CNBD2: variants seen among roughly 807,000 people sequenced by gnomAD.
CNBD2 encodes the protein cyclic nucleotide binding domain containing 2.
Under a neutral mutation model 63.7 loss-of-function variants are expected in CNBD2, and 64 were observed. The ratio of observed to expected loss-of-function variants is 1.00; its 90% confidence interval spans 0.82 to 1.24. CNBD2 has a LOEUF of 1.24. Among genes scored for constraint, CNBD2 ranks in the 50% most tolerant of loss-of-function variants. CNBD2 has a pLI of 0.00. For synonymous variants in CNBD2, 229 were observed against 255.4 expected, an observed-to-expected ratio of 0.90 and a Z score of 0.99; for missense variants, 691 against 713.5, an observed-to-expected ratio of 0.97 and a Z score of 0.36.
At chr20:36,002,161 A>G (rs550421556) in intron 8 of CNBD2, among the ~76,000 whole-genome samples, 41 of 152,240 alleles carry the variant, frequency 2.7e-4, no homozygotes, top group Admixed American at 2.0e-3. Context: ...TCGGGAGGCC[A>G]AGGCTGGCGG....
intron 7 of CNBD2, among the ~76,000 whole-genome samples, chr20:35,994,437 G>T (rs528214067): frequency 7.0e-4 from 106 of 151,318 alleles, no homozygotes; most frequent in African/African-American, 2.4e-3. Flanking sequence ...TGAACTCCTG[G>T]GCTCAAGTGA....
At chr20:35,999,162 T>A (rs1568895188) in intron 8 of CNBD2, among the ~76,000 whole-genome samples, 1 of 152,204 alleles carries the variant, frequency 6.6e-6, no homozygotes, top group South Asian at 2.1e-4. Context: ...GTTTGGTATA[T>A]CTTTTTCCAT....
chr20:36,010,649 G>A (rs1200247485), intron 9 of CNBD2, among the ~76,000 whole-genome samples: 2 of 152,056 alleles, frequency 1.3e-5, no homozygotes, highest in Non-Finnish European at 2.9e-5. Flanking sequence ...TGTAGTCCCT[G>A]CTACTTGGGA....
At chr20:36,027,955 C>T (rs1316801005) in intron 11 of CNBD2, among the ~76,000 whole-genome samples, 4 of 152,082 alleles carry the variant, frequency 2.6e-5, no homozygotes, top group Admixed American at 6.6e-5. Context: ...TGTGAGCCAC[C>T]GTGCCCAGCC....
At chr20:35,997,163 A>G (rs1259102483) in intron 8 of CNBD2, among the ~76,000 whole-genome samples, 1 of 152,080 alleles carries the variant, frequency 6.6e-6, no homozygotes, top group Non-Finnish European at 1.5e-5. Context: ...ACTTGGGTCA[A>G]GGACCCCAGC....
At chr20:36,022,387 A>G (rs2057227051) in intron 10 of CNBD2, among the ~76,000 whole-genome samples, 1 of 149,702 alleles carries the variant, frequency 6.7e-6, no homozygotes. Context: ...TTTAGTAGAG[A>G]CGGGTTTTCA....
At chr20:35,969,832 T>A (rs1257315661) in intron 1 of CNBD2, among the ~76,000 whole-genome samples, 1 of 152,238 alleles carries the variant, frequency 6.6e-6, no homozygotes, top group Non-Finnish European at 1.5e-5. Context: ...GTACATACAA[T>A]TCTTCCATTG....
chr20:35,954,836 G>T (rs189573064), exon 1 of CNBD2: 2 of 321,488 alleles, frequency 6.2e-6, no homozygotes, highest in Non-Finnish European at 1.3e-5. Flanking sequence ...AATGATTAGG[G>T]TGACGGCTGG....
chr20:35,980,715 T>C (rs949844414), intron 4 of CNBD2, 93 bp downstream of exon 4: 1 of 1,173,774 alleles, frequency 8.5e-7, no homozygotes, highest in Non-Finnish European at 1.2e-6. Context: ...TGCCCACCCC[T>C]CTGCATAATG....
In CNBD2 at chr20:36,030,537, G is replaced by A. The variant is rs753787608; in HGVS notation, c.1620G>A (p.Thr540=). The change falls in exon 12 of 12, where the codon ACG becomes ACA. Residue 540 remains threonine, a synonymous_variant. Transcript: ENST00000373973. ...VVLDLCSINK[T]TKPRYPIFMA... The stretch of plus-strand genomic sequence containing the variant: ...TGGATTTGTGCAGCATCAACAAGAC[G>A]ACTAAACCTCGTTATCCTATTTTTA... The A allele has an allele frequency of 1.3e-5, 21 of 1,614,020 alleles. No homozygotes were observed. Among genetic ancestry groups the A allele is most frequent in the African/African-American group, 1.1e-4 (8 of 74,988 alleles).
intron 5 of CNBD2, 82 bp downstream of exon 5, chr20:35,984,220 C>A: frequency 7.1e-7 from 1 of 1,405,030 alleles, no homozygotes; most frequent in Non-Finnish European, 9.7e-7. Context: ...CTCAGCCAGG[C>A]CCAGTCCTGC....
chr20:35,968,906 G>T, intron 1 of CNBD2, 93 bp downstream of exon 1: 1 of 949,978 alleles, frequency 1.1e-6, no homozygotes, highest in Non-Finnish European at 1.6e-6. Context: ...GAGGGGTCTT[G>T]GATGAATGGT....
At chr20:35,991,605 T>A (rs1409337462) in intron 7 of CNBD2, among the ~76,000 whole-genome samples, 4 of 152,178 alleles carry the variant, frequency 2.6e-5, no homozygotes, top group Non-Finnish European at 5.9e-5. Context: ...GATGGGGGGA[T>A]GTGTGGTGAG....
chr20:35,988,464 C>T (rs1306972829), intron 7 of CNBD2, among the ~76,000 whole-genome samples: 4 of 152,174 alleles, frequency 2.6e-5, no homozygotes, highest in African/African-American at 9.7e-5. Context: ...AGCCACCACA[C>T]CCAACCTTAA....
chr20:36,026,283 C>T (rs2057282044), intron 11 of CNBD2, among the ~76,000 whole-genome samples: 2 of 152,142 alleles, frequency 1.3e-5, no homozygotes, highest in African/African-American at 4.8e-5. Context: ...AGGATCCACC[C>T]ACCTTGGCCT....
chr20:35,994,850 T>C (rs1358828450), intron 7 of CNBD2, among the ~76,000 whole-genome samples, 188 bp from the exon 8 acceptor site: 1 of 152,044 alleles, frequency 6.6e-6, no homozygotes, highest in East Asian at 1.9e-4. Flanking sequence ...GATTGCCCCA[T>C]TGCTCTCCAG....
intron 3 of CNBD2, 43 bp downstream of exon 3, chr20:35,976,045 G>C: frequency 6.4e-7 from 1 of 1,551,816 alleles, no homozygotes; most frequent in South Asian, 1.1e-5. Context: ...TTTTCTTTCT[G>C]CACCCTGGCT....
chr20:36,014,586 A>C (rs926813354), intron 10 of CNBD2, among the ~76,000 whole-genome samples: 67 of 149,180 alleles, frequency 4.5e-4, no homozygotes, highest in African/African-American at 1.6e-3. Context: ...ACCTCGGCCT[A>C]CCAAAGTGCT....
At chr20:35,985,837 C>A (rs2056660860) in intron 6 of CNBD2, among the ~76,000 whole-genome samples, 1 of 152,126 alleles carries the variant, frequency 6.6e-6, no homozygotes, top group Non-Finnish European at 1.5e-5. Flanking sequence ...TTTATATACC[C>A]CCTCAGACAG....
Sources: allele counts gnomAD v4.1 joint callset (sites outside exome capture counted in the v4.1 genomes callset), GRCh38; gene constraint gnomAD v4.1.1; transcripts MANE v1.5; gene names NCBI Gene and HGNC (gene_info 2026-07-23, HGNC 2026-07-21).